The following SGPP2 variants were observed in gnomAD, a reference collection of about 807,000 sequenced individuals.
SGPP2 encodes the protein sphingosine-1-phosphate phosphatase 2, also known as sphingosine 1-phosphate phosphohydrolase 2.
SGPP2 carries 30 observed loss-of-function variants against 33.9 expected under a neutral mutation model. The ratio of observed to expected loss-of-function variants is 0.89; its 90% confidence interval spans 0.66 to 1.20. The LOEUF (loss-of-function observed/expected upper bound fraction) is 1.20. Ranked by LOEUF, SGPP2 falls within the 50% of genes most tolerant of loss-of-function variation. SGPP2 has a pLI of 0.00. For synonymous variants in SGPP2, 233 were observed against 225.0 expected (o/e 1.04, Z -0.32); for missense variants, 458 against 532.1 (o/e 0.86, Z 1.37).
chr2:222,454,208 C>G (rs1383362905), intron 1 of SGPP2, among the ~76,000 whole-genome samples: 3 of 152,134 alleles, frequency 2.0e-5, no homozygotes, highest in Admixed American at 1.3e-4. Context: ...CTGCAAGCAT[C>G]TGAAGATAAA....
chr2:222,522,439 A>C (rs1426647375), intron 3 of SGPP2, among the ~76,000 whole-genome samples: 1 of 152,254 alleles, frequency 6.6e-6, no homozygotes, highest in Non-Finnish European at 1.5e-5. Context: ...GTTAAGGCTC[A>C]GCCACTAGAA....
Position 222,558,762 on chromosome 2 carries a change from AGGT to A in SGPP2, c.1068_1070del (p.Val357del). 6.2e-7 allele frequency: 1 copy of A among 1,614,188 alleles called. No homozygotes were observed. On this transcript the variant is annotated inframe_deletion, in exon 5 of 5. Transcript: ENST00000321276. Reference sequence around the variant, plus strand: ...CTGCAAGTATTATACTCATGGTTCAAGGTGGTCACCAGGAACAAGGAGGCCAGG... The same window carrying A: ...CTGCAAGTATTATACTCATGGTTCAAGGTCACCAGGAACAAGGAGGCCAGG...
intron 1 of SGPP2, among the ~76,000 whole-genome samples, chr2:222,458,763 A>G (rs1412160035): frequency 1.3e-5 from 2 of 152,182 alleles, no homozygotes; most frequent in African/African-American, 2.4e-5. Flanking sequence ...AAAGAAACCC[A>G]TGCTCATTAG....
intron 4 of SGPP2, among the ~76,000 whole-genome samples, chr2:222,538,905 C>T (rs1327493626): frequency 4.6e-5 from 7 of 152,150 alleles, no homozygotes; most frequent in Non-Finnish European, 7.4e-5. Flanking sequence ...GGTCCCACCT[C>T]CAATATTGGG....
chr2:222,491,029 G>A (rs1280236726), intron 2 of SGPP2, among the ~76,000 whole-genome samples: 1 of 152,150 alleles, frequency 6.6e-6, no homozygotes, highest in Non-Finnish European at 1.5e-5. Flanking sequence ...GTAGGATGAT[G>A]TGATTGTACT....
chr2:222,433,308 T>C (rs1468040218), intron 1 of SGPP2, among the ~76,000 whole-genome samples: 1 of 152,122 alleles, frequency 6.6e-6, no homozygotes, highest in East Asian at 1.9e-4. Flanking sequence ...TGAGGAATTA[T>C]ATTATAAACC....
intron 1 of SGPP2, among the ~76,000 whole-genome samples, chr2:222,451,657 C>T (rs553262539): frequency 3.0e-4 from 45 of 152,096 alleles, no homozygotes; most frequent in African/African-American, 1.0e-3. Flanking sequence ...CTTTGTGCCT[C>T]GGTTTATAGA....
chr2:222,462,975 C>A (rs572236565), intron 1 of SGPP2, among the ~76,000 whole-genome samples: 6 of 152,284 alleles, frequency 3.9e-5, no homozygotes, highest in African/African-American at 1.4e-4. Context: ...AACTTCAAAG[C>A]TTTTCCTGAG....
intron 1 of SGPP2, among the ~76,000 whole-genome samples, chr2:222,457,372 T>C (rs1697588734): frequency 6.6e-6 from 1 of 152,164 alleles, no homozygotes; most frequent in Non-Finnish European, 1.5e-5. Context: ...TATGCATTAA[T>C]ATTTGCCTAT....
intron 4 of SGPP2, among the ~76,000 whole-genome samples, chr2:222,533,789 A>AT (rs113490942): frequency 0.013 from 1,410 of 107,502 alleles, 12 homozygotes; most frequent in African/African-American, 0.03. Context: ...GGCTTCATTT[A>AT]TTTTTTTTTT....
chr2:222,512,249 G>A (rs1698540947), intron 2 of SGPP2, among the ~76,000 whole-genome samples: 1 of 152,026 alleles, frequency 6.6e-6, no homozygotes. Flanking sequence ...CTGACCTCGT[G>A]ATCCGCCTGC....
chr2:222,467,971 A>C (rs976486889), intron 1 of SGPP2, among the ~76,000 whole-genome samples: 138 of 133,072 alleles, frequency 1.0e-3, no homozygotes, highest in African/African-American at 3.6e-3. Context: ...AAAAAAAAAA[A>C]AAAAAAAAAA....
At chr2:222,478,222 G>A (rs183148902) in intron 2 of SGPP2, among the ~76,000 whole-genome samples, 20 of 150,642 alleles carry the variant, frequency 1.3e-4, no homozygotes, top group Admixed American at 4.6e-4. Flanking sequence ...GGGAGGTGCG[G>A]GTGTGCTTGC....
At chr2:222,433,658 C>T (rs955862222) in intron 1 of SGPP2, among the ~76,000 whole-genome samples, 3 of 151,364 alleles carry the variant, frequency 2.0e-5, no homozygotes, top group Non-Finnish European at 4.4e-5. Context: ...TCCCTGGACA[C>T]TTGGCCTGGC....
intron 1 of SGPP2, among the ~76,000 whole-genome samples, chr2:222,471,179 G>C (rs1458819479): frequency 2.6e-5 from 4 of 152,152 alleles, no homozygotes; most frequent in Non-Finnish European, 4.4e-5. Flanking sequence ...ACCAGTAACT[G>C]TCTCCCGGTA....
chr2:222,466,617 T>C (rs927481459), intron 1 of SGPP2, among the ~76,000 whole-genome samples: 1 of 152,212 alleles, frequency 6.6e-6, no homozygotes, highest in African/African-American at 2.4e-5. Context: ...CTGAGAAACC[T>C]GTTTCTAAGC....
chr2:222,454,226 G>C (rs1237857130), intron 1 of SGPP2, among the ~76,000 whole-genome samples: 1 of 152,160 alleles, frequency 6.6e-6, no homozygotes, highest in Non-Finnish European at 1.5e-5. Flanking sequence ...AAAGAGAGGA[G>C]AGCCTGCTGG....
Position 222,439,397 on chromosome 2 carries a change from C to T in SGPP2, c.219+14576C>T, listed in dbSNP as rs148623713. ...AAATACAAAAATTAGACAAATGTGGCGGCATGCACCTGTAACCCCAGCTAC... is the reference window on the plus strand; with the variant it reads ...AAATACAAAAATTAGACAAATGTGGTGGCATGCACCTGTAACCCCAGCTAC... On this transcript the variant is annotated intron_variant, in intron 1 of 4. Coordinates refer to ENST00000321276, the MANE Select transcript of SGPP2 (RefSeq NM_152386.4). 4.1e-3 allele frequency among the ~76,000 whole-genome samples: 626 copies of T among 152,100 alleles called. 5 individuals are homozygous for T. The highest frequency in any genetic ancestry group is 6.8e-3 in the Non-Finnish European group (463 of 67,992).
intron 3 of SGPP2, among the ~76,000 whole-genome samples, chr2:222,523,727 AT>A (rs1698718450): frequency 6.6e-6 from 1 of 150,802 alleles, no homozygotes; most frequent in South Asian, 2.1e-4. Flanking sequence ...ATACATATTT[AT>A]TTTTATATAT....
Sources: gnomAD v4.1 joint callset for allele counts (sites outside exome capture counted in the v4.1 genomes callset) on GRCh38, gnomAD v4.1.1 for gene constraint, MANE v1.5 for transcripts, NCBI Gene and HGNC (gene_info 2026-07-23, HGNC 2026-07-21) for gene names.